Variants in TMEM98 observed in about 807,000 individuals in gnomAD.
The protein encoded by TMEM98 is transmembrane protein 98.
TMEM98 carries 18 observed loss-of-function variants against 25.0 expected under a neutral mutation model. The ratio of observed to expected loss-of-function variants is 0.72; its 90% confidence interval spans 0.50 to 1.07. The LOEUF (loss-of-function observed/expected upper bound fraction) is 1.07, where lower values mean the gene tolerates loss of function less well. TMEM98 is among the 50% of genes least tolerant of loss of function. The probability of loss-of-function intolerance (pLI) is 0.00; values close to 1 mark genes in which losing one functional copy is unlikely to be tolerated. For synonymous variants in TMEM98, 103 were observed against 112.4 expected (o/e 0.92, Z 0.53); for missense variants, 241 against 289.0 (o/e 0.83, Z 1.20).
chr17:32,940,943 A>G lies in TMEM98; in HGVS notation c.631A>G (p.Lys211Glu), dbSNP rs1252885382. 6.2e-7 allele frequency: 1 copy of G among 1,613,918 alleles called. No individual in the cohort carries two copies. The highest frequency in any genetic ancestry group is 1.1e-5 in the South Asian group (1 of 91,062). Residue 211 changes from lysine to glutamate, a missense_variant, in exon 8 of 8, where the codon AAA (lysine) becomes GAA (glutamate). Transcript: ENST00000579849. Reference sequence around the variant, plus strand: ...AGCAGCCCTAGCTTCTGAGCCAGATAAAGGCCTCCCAGGCCCTGAAGGCTT... The same window carrying G: ...AGCAGCCCTAGCTTCTGAGCCAGATGAAGGCCTCCCAGGCCCTGAAGGCTT... ...REAALASEPD[K>E]GLPGPEGFLQ...
Position 32,936,234 on chromosome 17 carries a change from C to T in TMEM98, c.298-98C>T, listed in dbSNP as rs530570452. The stretch of plus-strand genomic sequence containing the variant: ...TGGCCATTAGGTTGGGGGCCAGCTG[C>T]GATGGAACTCACGGCAGGGCTGATT... On this transcript the variant is annotated intron_variant, in intron 5 of 7. Coordinates refer to ENST00000579849, the MANE Select transcript of TMEM98 (RefSeq NM_015544.3). 9 of 921,354 alleles carry T rather than the reference C, an allele frequency of 9.8e-6. 1 individual carries two copies. Among genetic ancestry groups the T allele is most frequent in the African/African-American group, 4.9e-5 (3 of 61,028 alleles). The allele number at this position is 921,354 out of a possible 1,614,324, so 57.1% of individuals were successfully genotyped here.
Position 32,940,938 on chromosome 17 carries a change from C to G in TMEM98, c.626C>G (p.Pro209Arg). The G allele has an allele frequency of 6.2e-7, 1 of 1,613,990 alleles. No individual in the cohort carries two copies. Among genetic ancestry groups the G allele is most frequent in the Non-Finnish European group, 8.5e-7 (1 of 1,179,984 alleles). ...CGAGAAGCAGCCCTAGCTTCTGAGCCAGATAAAGGCCTCCCAGGCCCTGAA... is the reference window on the plus strand; with the variant it reads ...CGAGAAGCAGCCCTAGCTTCTGAGCGAGATAAAGGCCTCCCAGGCCCTGAA... The part of the protein sequence containing the change: ...VLREAALASE[P>R]DKGLPGPEGF... Residue 209 changes from proline to arginine, a missense_variant, in exon 8 of 8, where the codon CCA (proline) becomes CGA (arginine). By Grantham distance (103) the Pro-to-Arg change is moderately radical. Transcript: ENST00000579849.
In TMEM98 at chr17:32,931,910, A is replaced by G. The variant is rs187440511; in HGVS notation, c.131+251A>G. 3.3e-5 allele frequency among the ~76,000 whole-genome samples: 5 copies of G among 152,278 alleles called. No homozygotes were observed. In the East Asian group the frequency reaches 7.7e-4, roughly 23 times the overall value. ...CTGAATATGAACATGTTCACCTAGC[A>G]TAAAAGCTCAGCCATCTGTCTCAAA... On this transcript the variant is annotated intron_variant, in intron 3 of 7. Transcript: ENST00000579849.
At chr17:32,930,808 T>C (rs2091464181) in intron 1 of TMEM98, 1 of 152,176 alleles carries the variant, frequency 6.6e-6, no homozygotes, top group Non-Finnish European at 1.5e-5. Context: ...GTAAATACAG[T>C]TTCATCTTTC....
intron 5 of TMEM98, among the ~76,000 whole-genome samples, chr17:32,935,169 C>T (rs1414406076): frequency 2.0e-5 from 3 of 152,184 alleles, no homozygotes; most frequent in African/African-American, 7.2e-5. Flanking sequence ...TCTTCTTTGG[C>T]TGTCTCTCTC....
chr17:32,940,209 A>G (rs980840745), intron 7 of TMEM98, among the ~76,000 whole-genome samples: 1 of 152,204 alleles, frequency 6.6e-6, no homozygotes, highest in Non-Finnish European at 1.5e-5. Flanking sequence ...TGTATTCTCA[A>G]ATGCATCATG....
At chr17:32,930,025 T>A (rs1455520154) in intron 1 of TMEM98, among the ~76,000 whole-genome samples, 1 of 151,984 alleles carries the variant, frequency 6.6e-6, no homozygotes, top group Non-Finnish European at 1.5e-5. Flanking sequence ...AAATACTTAG[T>A]GAATGGTGAC....
In TMEM98 at chr17:32,928,208, G is replaced by A. The variant is rs1368178042; in HGVS notation, c.-160G>A. 6.1e-5 allele frequency: 9 copies of A among 147,812 alleles called. No homozygotes were observed. Among genetic ancestry groups the A allele is most frequent in the Non-Finnish European group, 4.6e-5 (3 of 65,922 alleles). 9.2% of individuals were successfully genotyped at this position (147,812 alleles called of 1,614,324 possible). ...GGACTTTGCCATCGGCGGGGCAGTC[G>A]CGGGATGCGCCCGGGAGCCACAGCC... On this transcript the variant is annotated 5_prime_UTR_variant, in exon 1 of 8. Transcript: ENST00000579849.
At position 32,940,165 on chromosome 17, in the gene TMEM98, T is replaced by C. The variant is rs564015988; in HGVS notation, c.474-621T>C. Among the ~76,000 whole-genome samples the C allele has an allele frequency of 1.1e-3, 170 of 152,370 alleles. 1 individual carries two copies. Among genetic ancestry groups the C allele is most frequent in the African/African-American group, 3.8e-3 (160 of 41,580 alleles). On this transcript the variant is annotated intron_variant, in intron 7 of 7. Transcript: ENST00000579849. ...GGTTTCTCTGCCCCACTCCTACTGCTGCCGAGCTTTGTCCGTGGGTTAATA... is the reference window on the plus strand; with the variant it reads ...GGTTTCTCTGCCCCACTCCTACTGCCGCCGAGCTTTGTCCGTGGGTTAATA...
At position 32,937,187 on chromosome 17, in the gene TMEM98, G is replaced by A. The variant is rs538212155; in HGVS notation, c.413+740G>A. 3.3e-5 allele frequency among the ~76,000 whole-genome samples: 5 copies of A among 152,304 alleles called. No individual in the cohort carries two copies. The East Asian group carries it at 5.8e-4, about 18-fold the overall frequency. ...TCCACGTCAGCCACCTGGCCCCTCC[G>A]CCCACCCGGGAGGGCACCTCTGTAT... On this transcript the variant is annotated intron_variant, in intron 6 of 7. Coordinates refer to ENST00000579849, the MANE Select transcript of TMEM98 (RefSeq NM_015544.3).
At chr17:32,933,442 G>T in intron 4 of TMEM98, 137 bp downstream of exon 4, 1 of 1,240,526 alleles carries the variant, frequency 8.1e-7, no homozygotes, top group Non-Finnish European at 1.1e-6. Flanking sequence ...CCTTTAGTGT[G>T]GGGGAAAATC....
intron 6 of TMEM98, 27 bp from the exon 7 acceptor site, chr17:32,939,447 AAGT>A (rs1392216285): frequency 6.2e-7 from 1 of 1,609,446 alleles, no homozygotes; most frequent in East Asian, 2.2e-5. Flanking sequence ...CAGGAAAGTG[AAGT>A]ACTGAACACC....
At position 32,942,902 on chromosome 17, in the gene TMEM98, TAA is replaced by T. The variant is rs1043832251; in HGVS notation, c.*1910_*1911del. On this transcript the variant is annotated 3_prime_UTR_variant, in exon 8 of 8. Coordinates refer to ENST00000579849, the MANE Select transcript of TMEM98 (RefSeq NM_015544.3). Reference sequence around the variant, plus strand: ...AATTAGACTGGAAAGCAATTCATGCTAAGTTTGCAATGGCTGCCACAGTTGTA... The same window carrying T: ...AATTAGACTGGAAAGCAATTCATGCTGTTTGCAATGGCTGCCACAGTTGTA... The T allele has an allele frequency of 2.0e-5, 3 of 152,262 alleles. No homozygotes were observed. The highest frequency in any genetic ancestry group is 2.0e-4 in the Admixed American group (3 of 15,294). The allele number at this position is 152,262 out of a possible 1,614,324, so 9.4% of individuals were successfully genotyped here.
At position 32,943,504 on chromosome 17, in the gene TMEM98, C is replaced by A. The variant is rs2091541349; in HGVS notation, c.*2511C>A. 1 of 152,180 alleles carries A rather than the reference C, an allele frequency of 6.6e-6. No individual in the cohort carries two copies. The highest frequency in any genetic ancestry group is 1.5e-5 in the Non-Finnish European group (1 of 68,056). The allele number at this position is 152,180 out of a possible 1,614,324, so 9.4% of individuals were successfully genotyped here. ...TGGTAGTAGAGCCTTCCTTCCATGT[C>A]TCTCTTCCCTCTGGCCTGGAATAGG... On this transcript the variant is annotated 3_prime_UTR_variant, in exon 8 of 8. Coordinates refer to ENST00000579849, the MANE Select transcript of TMEM98 (RefSeq NM_015544.3).
Position 32,940,996 on chromosome 17 carries a change from C to T in TMEM98, c.*3C>T, listed in dbSNP as rs375284768. On this transcript the variant is annotated 3_prime_UTR_variant, in exon 8 of 8. Transcript: ENST00000579849. ...TGCAGGAGCAGTCTGCAATTTAGTG[C>T]CTACAGGCCAGCAGCTAGCCATGAA... 453 of 1,598,502 alleles carry T rather than the reference C, an allele frequency of 2.8e-4. 1 individual carries two copies. Among genetic ancestry groups the T allele is most frequent in the Non-Finnish European group, 3.6e-4 (417 of 1,171,980 alleles).
chr17:32,938,069 G>C (rs971390743), intron 6 of TMEM98, among the ~76,000 whole-genome samples: 2 of 152,164 alleles, frequency 1.3e-5, no homozygotes, highest in East Asian at 1.9e-4. Context: ...GGATCAGCAC[G>C]GGTCCTAAGA....
chr17:32,938,346 C>T (rs2091508877), intron 6 of TMEM98, among the ~76,000 whole-genome samples: 1 of 152,180 alleles, frequency 6.6e-6, no homozygotes, highest in South Asian at 2.1e-4. Flanking sequence ...AAGGAGCTGG[C>T]TGAGATAGGC....
intron 6 of TMEM98, among the ~76,000 whole-genome samples, chr17:32,937,106 C>T (rs908234864): frequency 1.3e-5 from 2 of 152,214 alleles, no homozygotes; most frequent in African/African-American, 4.8e-5. Flanking sequence ...TTTGTGCTGC[C>T]ACCTGGTGGC....
rs1284117228 is a variant in TMEM98 at position 32,931,653 on chromosome 17, A to G, written c.125A>G (p.Asp42Gly). The change falls in exon 3 of 8, where the codon GAT becomes GGT. Residue 42 changes from aspartate to glycine, a missense_variant. Coordinates refer to ENST00000579849, the MANE Select transcript of TMEM98 (RefSeq NM_015544.3). ...CCGCGAGACCTGCTGCAGCGCTATG[A>G]TTCTAAGTGAGTGAGCCTATGGAGG... ...CRPRDLLQRYDSKPIVDLIGA... is the reference protein window; with the variant it reads ...CRPRDLLQRYGSKPIVDLIGA... 2 of 1,605,756 alleles carry G rather than the reference A, an allele frequency of 1.2e-6. No homozygotes were observed. The highest frequency in any genetic ancestry group is 1.7e-6 in the Non-Finnish European group (2 of 1,176,840).
Sources: gnomAD v4.1 joint callset for allele counts (sites outside exome capture counted in the v4.1 genomes callset) on GRCh38, gnomAD v4.1.1 for gene constraint, MANE v1.5 for transcripts, NCBI Gene and HGNC (gene_info 2026-07-23, HGNC 2026-07-21) for gene names.